The following WDR17 variants were observed in gnomAD, a reference collection of about 807,000 sequenced individuals.
The protein encoded by WDR17 is WD repeat domain 17.
A neutral mutation model predicts 161.7 loss-of-function variants in WDR17; 143 were observed. The ratio of observed to expected loss-of-function variants is 0.88; its 90% confidence interval spans 0.77 to 1.02. The LOEUF is 1.02. WDR17 is among the 50% of genes least tolerant of loss of function. The probability of loss-of-function intolerance (pLI) is 0.00; values close to 1 mark genes in which losing one functional copy is unlikely to be tolerated. For missense variants in WDR17, 1,469 were observed against 1,520.9 expected (o/e 0.97, Z 0.57); for synonymous variants, 517 against 515.6 (o/e 1.00, Z -0.04).
At chr4:176,099,745 C>T (rs1485990794) in intron 1 of WDR17, among the ~76,000 whole-genome samples, 1 of 152,070 alleles carries the variant, frequency 6.6e-6, no homozygotes, top group Admixed American at 6.6e-5. Flanking sequence ...CCCTCCCACT[C>T]CTTCACACTT....
chr4:176,113,508 T>C (rs1405817852), intron 2 of WDR17, among the ~76,000 whole-genome samples: 1 of 152,004 alleles, frequency 6.6e-6, no homozygotes, highest in Non-Finnish European at 1.5e-5. Context: ...CTGATGCAAA[T>C]AAACTTAGGG....
At chr4:176,085,979 C>T (rs1440244723) in intron 1 of WDR17, among the ~76,000 whole-genome samples, 1 of 151,922 alleles carries the variant, frequency 6.6e-6, no homozygotes, top group Non-Finnish European at 1.5e-5. Context: ...AGCTGCAACC[C>T]ACAAATTTCT....
intron 1 of WDR17, among the ~76,000 whole-genome samples, chr4:176,070,408 A>G (rs1395876328): frequency 6.6e-6 from 1 of 152,200 alleles, no homozygotes; most frequent in African/African-American, 2.4e-5. Flanking sequence ...TACTTAGCAA[A>G]TTAAAATCAG....
chr4:176,163,394 G>A, intron 22 of WDR17, 101 bp downstream of exon 22: 4 of 1,277,132 alleles, frequency 3.1e-6, no homozygotes, highest in Non-Finnish European at 4.3e-6. Flanking sequence ...GAGAATATAG[G>A]ATCACCTTGT....
At chr4:176,145,513 A>G (rs1031049933) in intron 11 of WDR17, among the ~76,000 whole-genome samples, 2 of 152,214 alleles carry the variant, frequency 1.3e-5, no homozygotes, top group East Asian at 3.9e-4. Flanking sequence ...GAAAACTTTC[A>G]GTGAGAATAC....
At chr4:176,111,239 C>A in intron 1 of WDR17, 1 of 161,312 alleles carries the variant, frequency 6.2e-6, no homozygotes. Flanking sequence ...CATGGGATGG[C>A]CTTCTTCAGT....
intron 5 of WDR17, 64 bp from the exon 6 acceptor site, chr4:176,128,674 A>C: frequency 4.0e-6 from 6 of 1,514,054 alleles, no homozygotes; most frequent in Non-Finnish European, 5.3e-6. Flanking sequence ...TTATACTTTT[A>C]TGTCTAGGCA....
intron 1 of WDR17, among the ~76,000 whole-genome samples, chr4:176,078,643 A>G (rs536322276): frequency 6.6e-6 from 1 of 152,274 alleles, no homozygotes; most frequent in Non-Finnish European, 1.5e-5. Flanking sequence ...CAACTGGAAG[A>G]TAAAACTATA....
intron 5 of WDR17, among the ~76,000 whole-genome samples, chr4:176,128,065 G>A (rs1055928738): frequency 3.9e-5 from 6 of 152,148 alleles, no homozygotes; most frequent in Non-Finnish European, 8.8e-5. Flanking sequence ...TTGATAGACA[G>A]ACGCATTGTT....
intron 1 of WDR17, among the ~76,000 whole-genome samples, chr4:176,066,507 A>C (rs1260218216): frequency 6.6e-6 from 1 of 152,158 alleles, no homozygotes; most frequent in Non-Finnish European, 1.5e-5. Flanking sequence ...GGTTTGAGTA[A>C]AAAGGAAATG....
Position 176,177,109 on chromosome 4 carries a change from T to C in WDR17, c.3501T>C (p.Leu1167=). The change falls in exon 27 of 29, where the codon CTT becomes CTC. Residue 1167 remains leucine (L), a synonymous_variant. Transcript: ENST00000508596. ...EVSVPLKIEY[L]SEELDAWRAC... is the part of the protein sequence containing the mutation. The stretch of plus-strand genomic sequence containing the variant: ...CAGTACCTTTAAAAATTGAATATCT[T>C]TCTGAGGAATTGGATGCATGGAGAG... 2 of 1,613,818 alleles carry C rather than the reference T, an allele frequency of 1.2e-6. No individual in the cohort carries two copies. The highest frequency in any genetic ancestry group is 1.7e-6 in the Non-Finnish European group (2 of 1,179,858).
chr4:176,091,689 A>G (rs77472167), intron 1 of WDR17, among the ~76,000 whole-genome samples: 1,777 of 152,298 alleles, frequency 0.012, 19 homozygotes, highest in Non-Finnish European at 0.019. Flanking sequence ...CAATGAAGTG[A>G]AAAGTTGGTT....
chr4:176,082,950 A>G (rs1046205799), intron 1 of WDR17, among the ~76,000 whole-genome samples: 2 of 152,174 alleles, frequency 1.3e-5, no homozygotes, highest in Non-Finnish European at 2.9e-5. Context: ...TTCATAAAAG[A>G]GTAAAATGTT....
In WDR17 at chr4:176,115,933, G is replaced by A. The variant is rs1740551354; in HGVS notation, c.261G>A (p.Trp87Ter). 1.2e-6 allele frequency: 2 copies of A among 1,609,712 alleles called. No individual in the cohort carries two copies. Among genetic ancestry groups the A allele is most frequent in the East Asian group, 4.5e-5 (2 of 44,526 alleles). ...GTACTGATAATTTAGTGATCATTTG[G>A]AATGTTGCAGAACAAAAAGTCATTG... Reference protein sequence around the residue: ...SGSTDNLVIIWNVAEQKVIAK... With the variant: ...SGSTDNLVII The change falls in exon 3 of 29, where the codon TGG becomes TGA. Residue 87 changes from tryptophan (W) to a stop codon, truncating the protein, a stop_gained. Transcript: ENST00000508596. LOFTEE classifies it high-confidence loss of function.
chr4:176,120,614 G>C (rs1013785812), intron 4 of WDR17, among the ~76,000 whole-genome samples: 1 of 151,964 alleles, frequency 6.6e-6, no homozygotes, highest in Non-Finnish European at 1.5e-5. Context: ...TTGGCTGAAT[G>C]AAAGGGTCTG....
Position 176,137,384 on chromosome 4 carries a change from TTAA to T in WDR17, c.1268-131_1268-129del, listed in dbSNP as rs1744583744. 5 of 626,148 alleles carry T rather than the reference TTAA, an allele frequency of 8.0e-6. No homozygotes were observed. The South Asian group carries it at 8.5e-5, about 11-fold the overall frequency. The allele number at this position is 626,148 out of a possible 1,614,324, so 38.8% of individuals were successfully genotyped here. On this transcript the variant is annotated intron_variant, in intron 8 of 28. Coordinates refer to ENST00000508596, the MANE Select transcript of WDR17 (RefSeq NM_181265.4). Reference sequence around the variant, plus strand: ...TTATTTTATCTATAATTTTATACAGTTAATAATTTCAATTATAAAAAATTAAAG... The same window carrying T: ...TTATTTTATCTATAATTTTATACAGTTAATTTCAATTATAAAAAATTAAAG...
chr4:176,123,087 A>T (rs1741859582), intron 4 of WDR17, among the ~76,000 whole-genome samples: 2 of 152,244 alleles, frequency 1.3e-5, no homozygotes, highest in Non-Finnish European at 2.9e-5. Flanking sequence ...GGCCAAGTTC[A>T]TCGGAGAACC....
At chr4:176,173,200 T>A in intron 24 of WDR17, 67 bp from the exon 25 acceptor site, 2 of 1,076,388 alleles carry the variant, frequency 1.9e-6, no homozygotes, top group Middle Eastern at 5.7e-4. Context: ...TTATATAAGT[T>A]AAAAATGGAT....
Position 176,166,289 on chromosome 4 carries a change from A to G in WDR17, c.2991-2383A>G, listed in dbSNP as rs536345278. On this transcript the variant is annotated intron_variant, in intron 22 of 28. Transcript: ENST00000508596. ...TGGTATGCCAATTCACGTGTAATTT[A>G]TAGCACATGAAACCTGACTACAAAG... The G allele has an allele frequency of 1.3e-4, 39 of 301,866 alleles. 1 individual carries two copies. In the South Asian group the frequency reaches 2.8e-3, roughly 22 times the overall value. The allele number at this position is 301,866 out of a possible 1,614,324, so 18.7% of individuals were successfully genotyped here.
Sources: gnomAD v4.1 joint callset for allele counts (sites outside exome capture counted in the v4.1 genomes callset) on GRCh38, gnomAD v4.1.1 for gene constraint, MANE v1.5 for transcripts, NCBI Gene and HGNC (gene_info 2026-07-23, HGNC 2026-07-21) for gene names.